Variants in MDN1 observed in about 807,000 individuals in gnomAD.
The protein encoded by MDN1 is midasin.
A neutral mutation model predicts 669.2 loss-of-function variants in MDN1; 266 were observed. The observed-to-expected ratio is 0.40, with a 90% CI of 0.36 to 0.44. MDN1 has a LOEUF of 0.44. Among genes scored for constraint, MDN1 ranks in the 20% least tolerant of loss-of-function variants. MDN1 has a pLI of 1.00. For synonymous variants in MDN1, 2,385 were observed against 2,457.1 expected (o/e 0.97, Z 0.87); for missense variants, 5,940 against 6,754.0 (o/e 0.88, Z 4.22).
chr6:89,656,372 T>C (rs1246565799), intron 91 of MDN1, among the ~76,000 whole-genome samples: 1 of 152,058 alleles, frequency 6.6e-6, no homozygotes, highest in African/African-American at 2.4e-5. Context: ...AAAAAAAAAC[T>C]TACTCTTAAA....
At chr6:89,803,306 G>A (rs374465470) in intron 2 of MDN1, 22 bp downstream of exon 2, 8 of 1,599,330 alleles carry the variant, frequency 5.0e-6, no homozygotes, top group South Asian at 2.2e-5. Context: ...GGAGAAATGC[G>A]AATAATAAAA....
In MDN1 at chr6:89,713,273, T is replaced by C. The variant is rs767919223; in HGVS notation, c.7093A>G (p.Thr2365Ala). The change falls in exon 47 of 102, where the codon ACT (threonine) becomes GCT (alanine). Residue 2365 changes from threonine to alanine, a missense_variant. Coordinates refer to ENST00000369393, the MANE Select transcript of MDN1 (RefSeq NM_014611.3). Reference sequence around the variant, plus strand: ...ATTAGTATGGCTGTCTGGATTAGAGTTGATACAGAAGATGTTGGAGAACCT... The same window carrying C: ...ATTAGTATGGCTGTCTGGATTAGAGCTGATACAGAAGATGTTGGAGAACCT... ...VVGSPTSSVS[T>A]LIQTAILIVQ... 2.5e-6 allele frequency: 4 copies of C among 1,612,996 alleles called. No individual in the cohort carries two copies. The highest frequency in any genetic ancestry group is 1.7e-6 in the Non-Finnish European group (2 of 1,179,522).
chr6:89,719,432 A>C (rs1290183250), intron 40 of MDN1, among the ~76,000 whole-genome samples: 1 of 152,238 alleles, frequency 6.6e-6, no homozygotes, highest in African/African-American at 2.4e-5. Context: ...GATTGAGAAC[A>C]TAGCAGTCAT....
intron 49 of MDN1, 100 bp downstream of exon 49, chr6:89,711,936 T>C (rs376357885): frequency 2.7e-6 from 3 of 1,101,952 alleles, no homozygotes; most frequent in South Asian, 1.6e-5. Context: ...CAACTGTAAT[T>C]TTAACAGTGT....
At chr6:89,745,769 C>T (rs1816578589) in intron 27 of MDN1, 143 bp from the exon 28 acceptor site, 3 of 769,260 alleles carry the variant, frequency 3.9e-6, no homozygotes, top group Non-Finnish European at 6.2e-6. Flanking sequence ...CAGCCTATTA[C>T]AATTAACCAT....
rs1812052774 is a variant in MDN1, at chr6:89,686,923, C to T, written c.11551G>A (p.Glu3851Lys). 1 of 1,613,696 alleles carries T rather than the reference C, an allele frequency of 6.2e-7. No individual in the cohort carries two copies. The highest frequency in any genetic ancestry group is 8.5e-7 in the Non-Finnish European group (1 of 1,179,980). Reference sequence around the variant, plus strand: ...TTACCTTCCTGTTCTTCTGTTTGTTCCTGCATGTGCTTCTCAAGCATCTGA... The same window carrying T: ...TTACCTTCCTGTTCTTCTGTTTGTTTCTGCATGTGCTTCTCAAGCATCTGA... ...IYQMLEKHMQ[E>K]QTEEQEDDKQ... is the part of the protein sequence containing the mutation. Residue 3851 changes from glutamate (E) to lysine (K), a missense_variant, in exon 69 of 102, where the codon GAA becomes AAA. By Grantham distance (56) the Glu-to-Lys change is moderately conservative (BLOSUM62 1). Around this residue, in one of 5 missense-constraint regions of MDN1, gnomAD observed 2,280 missense variants for 2,576.3 expected, o/e 0.88. Coordinates refer to ENST00000369393, the MANE Select transcript of MDN1 (RefSeq NM_014611.3).
chr6:89,754,152 C>T lies in MDN1; in HGVS notation c.2895G>A (p.Arg965=). Reference sequence around the variant, plus strand: ...CAAATCGCAGGGCCCGGCACAGAGTCCGAAGGCTGTAGTGAGGTCTATGGC... The same window carrying T: ...CAAATCGCAGGGCCCGGCACAGAGTTCGAAGGCTGTAGTGAGGTCTATGGC... ...GTGHRPHYSL[R]TLCRALRFAA... The change falls in exon 21 of 102, where the codon CGG becomes CGA. Residue 965 remains arginine (R), a synonymous_variant. Coordinates refer to ENST00000369393, the MANE Select transcript of MDN1 (RefSeq NM_014611.3). 1 of 1,614,126 alleles carries T rather than the reference C, an allele frequency of 6.2e-7. No individual in the cohort carries two copies. Among genetic ancestry groups the T allele is most frequent in the Non-Finnish European group, 8.5e-7 (1 of 1,180,018 alleles).
intron 55 of MDN1, 142 bp from the exon 56 acceptor site, chr6:89,700,998 C>G (rs1262722441): frequency 1.3e-6 from 1 of 768,720 alleles, no homozygotes; most frequent in African/African-American, 1.8e-5. Context: ...CTGTTGCTGT[C>G]AAGAGATTTT....
rs765979931 is a variant in MDN1, at chr6:89,700,674, T to C, written c.8610A>G (p.Arg2870=). The C allele has an allele frequency of 6.2e-7, 1 of 1,614,208 alleles. No individual in the cohort carries two copies. Among genetic ancestry groups the C allele is most frequent in the Non-Finnish European group, 8.5e-7 (1 of 1,180,038 alleles). ...GGCTGACATCTTCCAAAATATTTGC[T>C]CTGAGGATCAGTCCCCAGGCTTGCA... ...SLLQAWGLIL[R]ANILEDVSLD... is the part of the protein sequence containing the mutation. The change falls in exon 56 of 102, where the codon AGA becomes AGG. Residue 2870 remains arginine (R), a synonymous_variant. Coordinates refer to ENST00000369393, the MANE Select transcript of MDN1 (RefSeq NM_014611.3).
Position 89,688,061 on chromosome 6 carries a change from G to A in MDN1, c.11355+17C>T, listed in dbSNP as rs376587340. The A allele has an allele frequency of 9.6e-5, 153 of 1,597,268 alleles. 1 individual carries two copies. Among genetic ancestry groups the A allele is most frequent in the Non-Finnish European group, 1.0e-5 (12 of 1,164,896 alleles). ...ACTGACCACCAACTAAAATGAGGAA[G>A]AGAGGTATTAGCTCACCTGTGCCTT... On this transcript the variant is annotated intron_variant, in intron 67 of 101. Coordinates refer to ENST00000369393, the MANE Select transcript of MDN1 (RefSeq NM_014611.3).
At chr6:89,710,587 T>C (rs2128311624) in intron 50 of MDN1, 94 bp downstream of exon 50, 4 of 595,510 alleles carry the variant, frequency 6.7e-6, no homozygotes, top group African/African-American at 5.9e-5. Flanking sequence ...AATACCGTTA[T>C]GTTGAGACCT....
intron 59 of MDN1, 23 bp downstream of exon 59, chr6:89,698,842 T>C: frequency 6.2e-7 from 1 of 1,611,048 alleles, no homozygotes; most frequent in Non-Finnish European, 8.5e-7. Context: ...TCAAACATTT[T>C]TTATAATTTT....
chr6:89,673,362 C>T lies in MDN1; in HGVS notation c.13348G>A (p.Val4450Ile), dbSNP rs1313671876. The change falls in exon 80 of 102, where the codon GTT (valine) becomes ATT (isoleucine). Residue 4450 changes from valine (V) to isoleucine (I), a missense_variant. Transcript: ENST00000369393. ...GCCATTTGTGAGTCTCTTTGCTCAA[C>T]CTCCATCCCTGGAAGAATGAACAAG... The part of the protein sequence containing the change: ...ESLFILPGME[V>I]EQRDSQMALV... The T allele has an allele frequency of 1.9e-6, 3 of 1,614,170 alleles. No individual in the cohort carries two copies. The highest frequency in any genetic ancestry group is 2.2e-5 in the East Asian group (1 of 44,878).
In MDN1 at chr6:89,650,742, C is replaced by T; in HGVS notation, c.16021G>A (p.Ala5341Thr). 1 of 1,613,742 alleles carries T rather than the reference C, an allele frequency of 6.2e-7. No homozygotes were observed. The highest frequency in any genetic ancestry group is 1.1e-5 in the South Asian group (1 of 91,062). Residue 5341 changes from alanine (A) to threonine (T), a missense_variant, in exon 96 of 102, where the codon GCC (alanine) becomes ACC (threonine). Ala to Thr is a moderately conservative substitution (Grantham distance 58). Coordinates refer to ENST00000369393, the MANE Select transcript of MDN1 (RefSeq NM_014611.3). Reference sequence around the variant, plus strand: ...GAGGGGAAGACTTACTTCAGCTTGGCTGCCTGGGTAGGCTCTAATATGAGA... The same window carrying T: ...GAGGGGAAGACTTACTTCAGCTTGGTTGCCTGGGTAGGCTCTAATATGAGA... ...LRLILEPTQAAKLKGDYRTGK... is the reference protein window; with the variant it reads ...LRLILEPTQATKLKGDYRTGK...
intron 73 of MDN1, 130 bp downstream of exon 73, chr6:89,683,002 C>T: frequency 1.1e-6 from 1 of 909,614 alleles, no homozygotes; most frequent in Non-Finnish European, 1.6e-6. Flanking sequence ...CAAATACATG[C>T]TATATATGTC....
chr6:89,652,248 C>T lies in MDN1; in HGVS notation c.15859G>A (p.Glu5287Lys). The change falls in exon 95 of 102, where the codon GAG becomes AAG. Residue 5287 changes from glutamate (E) to lysine (K), a missense_variant. Glu to Lys is a moderately conservative substitution (Grantham distance 56). Around this residue, in one of 5 missense-constraint regions of MDN1, gnomAD observed 2,280 missense variants for 2,576.3 expected, o/e 0.88. Transcript: ENST00000369393. ...CACATTTCCAGCTGTCTCTCCAGCT[C>T]CTGTCTTAGCTCATTGACATCTTTT... ...FLKDVNELRQ[E>K]LERQLEMWQP... The T allele has an allele frequency of 6.2e-7, 1 of 1,614,072 alleles. No homozygotes were observed. Among genetic ancestry groups the T allele is most frequent in the East Asian group, 2.2e-5 (1 of 44,888 alleles).
At chr6:89,743,038 T>C (rs1250567442) in intron 31 of MDN1, 112 bp downstream of exon 31, 3 of 1,314,326 alleles carry the variant, frequency 2.3e-6, no homozygotes, top group East Asian at 2.3e-5. Flanking sequence ...ACTATGATCA[T>C]GACACGGCAC....
In MDN1 at chr6:89,751,494, G is replaced by A. The variant is rs745553494; in HGVS notation, c.3164C>T (p.Thr1055Met). 31 of 1,613,996 alleles carry A rather than the reference G, an allele frequency of 1.9e-5. No homozygotes were observed. Among genetic ancestry groups the A allele is most frequent in the Non-Finnish European group, 2.4e-5 (28 of 1,179,996 alleles). ...VGDKEPTIDE[T>M]YILTSSVKLN... ...CTTCACAGAAGATGTCAGAATGTACGTCTCATCTATTGTAGGCTCCTTGTC... is the reference window on the plus strand; with the variant it reads ...CTTCACAGAAGATGTCAGAATGTACATCTCATCTATTGTAGGCTCCTTGTC... Residue 1055 changes from threonine to methionine, a missense_variant, in exon 23 of 102, where the codon ACG becomes ATG. Coordinates refer to ENST00000369393, the MANE Select transcript of MDN1 (RefSeq NM_014611.3).
At chr6:89,662,584 C>G (rs1414912490) in intron 86 of MDN1, among the ~76,000 whole-genome samples, 1 of 152,094 alleles carries the variant, frequency 6.6e-6, no homozygotes, top group African/African-American at 2.4e-5. Flanking sequence ...GTTCATCCTC[C>G]TTCATAACAC....
Sources: allele counts gnomAD v4.1 joint callset (sites outside exome capture counted in the v4.1 genomes callset), GRCh38; gene constraint gnomAD v4.1.1; regional missense constraint gnomAD v4.1.1; transcripts MANE v1.5; gene names NCBI Gene and HGNC (gene_info 2026-07-23, HGNC 2026-07-21).